Variants in MYO3B observed in about 807,000 individuals in gnomAD.
MYO3B encodes myosin IIIB.
A neutral mutation model predicts 174.6 loss-of-function variants in MYO3B; 156 were observed. That is an observed-to-expected ratio of 0.89 (90% CI 0.78 to 1.02). The LOEUF (loss-of-function observed/expected upper bound fraction) is 1.02, where lower values mean the gene tolerates loss of function less well. Ranked by LOEUF, MYO3B falls within the 50% of genes least tolerant of loss-of-function variation. MYO3B has a pLI of 0.00. For missense variants in MYO3B, 1,632 were observed against 1,639.4 expected (o/e 1.00, Z 0.08); for synonymous variants, 563 against 569.1 (o/e 0.99, Z 0.15).
chr2:170,322,488 C>A (rs2105499343), intron 7 of MYO3B, among the ~76,000 whole-genome samples: 1 of 152,310 alleles, frequency 6.6e-6, no homozygotes, highest in South Asian at 2.1e-4. Context: ...TATTCTGGCT[C>A]AGTGGAGACA....
At chr2:170,339,323 C>T (rs748934510) in intron 8 of MYO3B, among the ~76,000 whole-genome samples, 11 of 152,180 alleles carry the variant, frequency 7.2e-5, no homozygotes, top group Non-Finnish European at 1.5e-4. Context: ...ACAAAAAGTT[C>T]CTTAACGGCT....
chr2:170,327,933 A>T (rs1313322384), intron 7 of MYO3B, among the ~76,000 whole-genome samples: 1 of 150,514 alleles, frequency 6.6e-6, no homozygotes, highest in Non-Finnish European at 1.5e-5. Flanking sequence ...AGACAGTCTC[A>T]CTTTGTCACC....
intron 32 of MYO3B, among the ~76,000 whole-genome samples, 159 bp from the exon 33 acceptor site, chr2:170,651,469 T>C (rs1699007030): frequency 1.3e-5 from 2 of 152,214 alleles, no homozygotes; most frequent in Admixed American, 6.5e-5. Flanking sequence ...CTGTGTGTAT[T>C]TTTTAGGATG....
In MYO3B at chr2:170,501,407, T is replaced by C. The variant is rs6759726; in HGVS notation, c.3290-378T>C. Among the ~76,000 whole-genome samples, 322 of 152,340 alleles carry C rather than the reference T, an allele frequency of 2.1e-3. 1 individual carries two copies. Among genetic ancestry groups the C allele is most frequent in the African/African-American group, 7.3e-3 (305 of 41,570 alleles). On this transcript the variant is annotated intron_variant, in intron 27 of 34. Coordinates refer to ENST00000408978, the MANE Select transcript of MYO3B (RefSeq NM_138995.5). ...GGGTCAGGCTATTCCAGTTCCTTTCTACCATCCCTGCCAAACCCTTCCACC... is the reference window on the plus strand; with the variant it reads ...GGGTCAGGCTATTCCAGTTCCTTTCCACCATCCCTGCCAAACCCTTCCACC...
chr2:170,409,488 A>G (rs557705263), intron 22 of MYO3B, among the ~76,000 whole-genome samples: 1 of 152,356 alleles, frequency 6.6e-6, no homozygotes, highest in African/African-American at 2.4e-5. Context: ...CCTGAGCTAT[A>G]TATTATGCAT....
intron 25 of MYO3B, among the ~76,000 whole-genome samples, chr2:170,478,011 C>T (rs1049024380): frequency 2.6e-5 from 4 of 152,116 alleles, no homozygotes; most frequent in Admixed American, 2.0e-4. Context: ...GCCCCTTCAA[C>T]TATCATGTCT....
chr2:170,621,178 C>T (rs1348278287), intron 32 of MYO3B, among the ~76,000 whole-genome samples: 4 of 151,966 alleles, frequency 2.6e-5, no homozygotes, highest in Non-Finnish European at 4.4e-5. Flanking sequence ...CATGAGCCAC[C>T]GCACCCGGCC....
chr2:170,653,552 C>G lies in MYO3B; in HGVS notation c.*431C>G, dbSNP rs1012176273. On this transcript the variant is annotated 3_prime_UTR_variant, in exon 35 of 35. Coordinates refer to ENST00000408978, the MANE Select transcript of MYO3B (RefSeq NM_138995.5). ...GAGACCCAGGAGTTCCTTTCCTGCA[C>G]TCTTCTCCATCCTCCCACCTTTGCT... The G allele has an allele frequency of 6.1e-6, 1 of 162,834 alleles. No homozygotes were observed. Among genetic ancestry groups the G allele is most frequent in the Non-Finnish European group, 1.4e-5 (1 of 73,960 alleles). The allele number at this position is 162,834 out of a possible 1,614,324, so 10.1% of individuals were successfully genotyped here.
chr2:170,180,259 G>C, intron 1 of MYO3B: 1 of 342,618 alleles, frequency 2.9e-6, no homozygotes, highest in South Asian at 2.1e-5. Flanking sequence ...GGGTTGTTAA[G>C]GAACTAAAAC....
chr2:170,627,679 G>GT (rs1297471755), intron 32 of MYO3B, among the ~76,000 whole-genome samples: 4 of 152,268 alleles, frequency 2.6e-5, no homozygotes, highest in Admixed American at 1.3e-4. Flanking sequence ...CATCTTTGTG[G>GT]TTTATCTACC....
At chr2:170,483,249 A>G (rs2106017783) in intron 25 of MYO3B, among the ~76,000 whole-genome samples, 1 of 152,362 alleles carries the variant, frequency 6.6e-6, no homozygotes, top group African/African-American at 2.4e-5. Context: ...AGGAAAGAAG[A>G]AATAATAAAG....
At chr2:170,520,251 C>G (rs774736441) in intron 30 of MYO3B, among the ~76,000 whole-genome samples, 3 of 151,980 alleles carry the variant, frequency 2.0e-5, no homozygotes, top group Admixed American at 2.0e-4. Context: ...AGCCTCCCCG[C>G]AGCAAAGAAT....
intron 32 of MYO3B, among the ~76,000 whole-genome samples, chr2:170,646,319 G>GT (rs1452507118): frequency 6.6e-6 from 1 of 151,680 alleles, no homozygotes; most frequent in Non-Finnish European, 1.5e-5. Context: ...TACAAATTGG[G>GT]TTTTTTTTCT....
At chr2:170,461,337 G>A (rs1684265398) in intron 23 of MYO3B, among the ~76,000 whole-genome samples, 1 of 151,706 alleles carries the variant, frequency 6.6e-6, no homozygotes, top group South Asian at 2.1e-4. Flanking sequence ...AGCTGGGCGT[G>A]GTGGCGGGCA....
rs1279290827 is a variant in MYO3B, at chr2:170,203,504, GGGGA to G, written c.321+3234_321+3237del. Among the ~76,000 whole-genome samples the G allele has an allele frequency of 1.5e-4, 21 of 140,198 alleles. No homozygotes were observed. The South Asian group carries it at 1.9e-3, about 13-fold the overall frequency. The allele number at this position is 140,198 out of a possible 152,430, so 92.0% of individuals were successfully genotyped here. ...CCAAAGCAAAAGGGGGCGGCGGGGGGGGGAGGGAGGGAGGGAGAAAGAGAGACAG... is the reference window on the plus strand; with the variant it reads ...CCAAAGCAAAAGGGGGCGGCGGGGGGGGGAGGGAGGGAGAAAGAGAGACAG... On this transcript the variant is annotated intron_variant, in intron 3 of 34. Coordinates refer to ENST00000408978, the MANE Select transcript of MYO3B (RefSeq NM_138995.5).
rs369624369 is a variant in MYO3B, at chr2:170,216,416, G to A, written c.527-903G>A. On this transcript the variant is annotated intron_variant, in intron 5 of 34. Transcript: ENST00000408978. Reference sequence around the variant, plus strand: ...GGTGTGACTGTTGTGATTATCCCTAGTTTAAAGATGAAAAAACTGAGGCTC... The same window carrying A: ...GGTGTGACTGTTGTGATTATCCCTAATTTAAAGATGAAAAAACTGAGGCTC... Among the ~76,000 whole-genome samples, 18 of 152,294 alleles carry A rather than the reference G, an allele frequency of 1.2e-4. No homozygotes were observed. In the East Asian group the frequency reaches 3.1e-3, roughly 26 times the overall value.
chr2:170,622,570 TAC>T (rs1227436286), intron 32 of MYO3B, among the ~76,000 whole-genome samples: 3 of 144,336 alleles, frequency 2.1e-5, no homozygotes, highest in Non-Finnish European at 4.5e-5. Flanking sequence ...TTTTATAATA[TAC>T]ATTTTTTTTT....
At chr2:170,485,212 T>A (rs1685960005) in intron 25 of MYO3B, among the ~76,000 whole-genome samples, 1 of 152,126 alleles carries the variant, frequency 6.6e-6, no homozygotes, top group Non-Finnish European at 1.5e-5. Flanking sequence ...TTTTACCCAA[T>A]GTTTGAAGTC....
At chr2:170,326,493 G>A (rs369950128) in intron 7 of MYO3B, among the ~76,000 whole-genome samples, 3 of 152,128 alleles carry the variant, frequency 2.0e-5, no homozygotes, top group Non-Finnish European at 2.9e-5. Context: ...TGATATTGCC[G>A]AGTTCTTATT....
Sources: allele counts gnomAD v4.1 joint callset (sites outside exome capture counted in the v4.1 genomes callset), GRCh38; gene constraint gnomAD v4.1.1; transcripts MANE v1.5; gene names NCBI Gene and HGNC (gene_info 2026-07-23, HGNC 2026-07-21).